SLC11A2: variants seen among roughly 807,000 people sequenced by gnomAD.
The protein encoded by SLC11A2 is natural resistance-associated macrophage protein 2.
A neutral mutation model predicts 68.0 loss-of-function variants in SLC11A2; 38 were observed. That is an observed-to-expected ratio of 0.56 (90% CI 0.43 to 0.73). SLC11A2 has a LOEUF of 0.73. Ranked by LOEUF, SLC11A2 falls within the 30% of genes least tolerant of loss-of-function variation. The pLI, the probability that SLC11A2 is intolerant of heterozygous loss-of-function variation, is 0.00. For missense variants in SLC11A2, 517 were observed against 690.5 expected (o/e 0.75, Z 2.82); for synonymous variants, 242 against 250.6 (o/e 0.97, Z 0.32).
intron 5 of SLC11A2, among the ~76,000 whole-genome samples, chr12:51,000,906 C>G: frequency 6.6e-6 from 1 of 151,972 alleles, no homozygotes; most frequent in Non-Finnish European, 1.5e-5. Context: ...TGGCTCACAC[C>G]TGTAATCCCA....
chr12:51,013,290 T>TA (rs1491270275), intron 1 of SLC11A2, among the ~76,000 whole-genome samples: 2 of 31,836 alleles, frequency 6.3e-5, no homozygotes, highest in Non-Finnish European at 1.9e-4. Flanking sequence ...ATTAAATTGC[T>TA]TTTTTTTTTT....
intron 1 of SLC11A2, among the ~76,000 whole-genome samples, chr12:51,025,053 C>T (rs1944287233): frequency 6.6e-6 from 1 of 152,138 alleles, no homozygotes; most frequent in Non-Finnish European, 1.5e-5. Flanking sequence ...CAATAAATGA[C>T]CTAGTATAAT....
At chr12:51,003,739 A>C (rs1942477185) in intron 5 of SLC11A2, among the ~76,000 whole-genome samples, 1 of 149,082 alleles carries the variant, frequency 6.7e-6, no homozygotes, top group Non-Finnish European at 1.5e-5. Flanking sequence ...ACCAGCCTAG[A>C]CAACATAGCA....
chr12:51,011,089 T>G (rs1332813687), intron 1 of SLC11A2, among the ~76,000 whole-genome samples: 1 of 151,858 alleles, frequency 6.6e-6, no homozygotes, highest in Non-Finnish European at 1.5e-5. Flanking sequence ...GTGGACAAAT[T>G]GAACAGGAGG....
At chr12:50,993,681 A>G (rs543528015) in intron 11 of SLC11A2, among the ~76,000 whole-genome samples, 1 of 152,058 alleles carries the variant, frequency 6.6e-6, no homozygotes, top group Middle Eastern at 3.4e-3. Flanking sequence ...ATACAAAATT[A>G]GCCAGGTGTG....
At position 51,005,349 on chromosome 12, in the gene SLC11A2, C is replaced by G. The variant is rs553779679; in HGVS notation, c.271G>C (p.Glu91Gln). ...ACTGCTCCAGACTGCAAATCGGATT[C>G]AATATTTCCTGGATCCAGGTAGGCA... is the stretch of plus-strand genomic sequence containing the variant. ...SIAYLDPGNI[E>Q]SDLQSGAVAG... Residue 91 changes from glutamate (E) to glutamine (Q), a missense_variant, in exon 4 of 16, where the codon GAA (glutamate) becomes CAA (glutamine). Physicochemically the swap from Glu to Gln is conservative, Grantham distance 29. Transcript: ENST00000262052. 3.9e-5 allele frequency: 63 copies of G among 1,613,808 alleles called. No individual in the cohort carries two copies. The highest frequency in any genetic ancestry group is 6.7e-5 in the African/African-American group (5 of 74,882).
intron 5 of SLC11A2, 134 bp downstream of exon 5, chr12:51,004,654 G>T: frequency 1.1e-6 from 1 of 886,054 alleles, no homozygotes; most frequent in South Asian, 1.4e-5. Context: ...ATTTCCGTTG[G>T]TACCGTCTGT....
Position 50,990,933 on chromosome 12 carries a change from T to C in SLC11A2, c.1437A>G (p.Ala479=), listed in dbSNP as rs774278959. 6 of 1,613,870 alleles carry C rather than the reference T, an allele frequency of 3.7e-6. No individual in the cohort carries two copies. In the East Asian group the frequency reaches 1.3e-4, roughly 36 times the overall value. Residue 479 remains alanine (A), a synonymous_variant, in exon 15 of 16, where the codon GCA becomes GCG. Transcript: ENST00000262052. ...DFANGLGWRI[A]GGILVLIICS... ...AGATGATAAGGACCAAGATTCCTCC[T>C]GCAATCCGCCAGCCTCTGTAAAAGA...
chr12:50,997,727 C>T (rs1941841286), intron 8 of SLC11A2, among the ~76,000 whole-genome samples: 1 of 148,260 alleles, frequency 6.7e-6, no homozygotes. Flanking sequence ...GTGGCTCACG[C>T]CTGTAATCCT....
chr12:50,997,289 T>C (rs1941787817), intron 8 of SLC11A2, among the ~76,000 whole-genome samples: 2 of 152,188 alleles, frequency 1.3e-5, no homozygotes, highest in African/African-American at 4.8e-5. Flanking sequence ...AGAATCATCA[T>C]AGGACCAAGC....
intron 5 of SLC11A2, among the ~76,000 whole-genome samples, chr12:51,001,099 A>G (rs367653377): frequency 5.3e-5 from 8 of 151,126 alleles, no homozygotes; most frequent in South Asian, 2.1e-4. Context: ...CGGGAGGCGA[A>G]GGTTGCAGTG....
Position 50,987,598 on chromosome 12 carries a change from C to A in SLC11A2, c.*727G>T, listed in dbSNP as rs1049972973. Reference sequence around the variant, plus strand: ...TACTAACAGGCAGGTTATTAAGACTCCCAAGAAATCCTCATAAGCTTTTCA... The same window carrying A: ...TACTAACAGGCAGGTTATTAAGACTACCAAGAAATCCTCATAAGCTTTTCA... On this transcript the variant is annotated 3_prime_UTR_variant, in exon 16 of 16. Coordinates refer to ENST00000262052, the MANE Select transcript of SLC11A2 (RefSeq NM_000617.3). The A allele has an allele frequency of 2.0e-5, 26 of 1,287,016 alleles. No individual in the cohort carries two copies. The highest frequency in any genetic ancestry group is 3.2e-4 in the Middle Eastern group (1 of 3,086). 79.7% of individuals were successfully genotyped at this position (1,287,016 alleles called of 1,614,324 possible). A position where few individuals can be genotyped will look rare whatever the true frequency, so the allele number is the denominator to read the frequency against.
chr12:50,981,621 C>T (rs1940030169), downstream of SLC11A2: 1 of 759,660 alleles, frequency 1.3e-6, no homozygotes, highest in Non-Finnish European at 2.2e-6. Flanking sequence ...TTGTTCAAAA[C>T]GTCTGAACAA....
chr12:50,996,847 G>A lies in SLC11A2; in HGVS notation c.801C>T (p.His267=). 2.5e-6 allele frequency: 4 copies of A among 1,614,146 alleles called. No individual in the cohort carries two copies. Among genetic ancestry groups the A allele is most frequent in the Non-Finnish European group, 3.4e-6 (4 of 1,180,014 alleles). ...CTAAGGCAGAATGCAGGTACATGTT[G>A]TGTGGCATGATGACAGCTCCCACGA... ...VGIVGAVIMP[H]NMYLHSALVK... is the part of the protein sequence containing the mutation. Residue 267 remains histidine, a synonymous_variant, in exon 9 of 16, where the codon CAC becomes CAT. Transcript: ENST00000262052.
chr12:51,004,162 G>T (rs1942517727), intron 5 of SLC11A2, among the ~76,000 whole-genome samples: 1 of 151,882 alleles, frequency 6.6e-6, no homozygotes, highest in African/African-American at 2.4e-5. Flanking sequence ...GATACTTTTT[G>T]CTCACACCCA....
chr12:51,023,182 C>T (rs1245356495), intron 1 of SLC11A2, among the ~76,000 whole-genome samples: 3 of 152,230 alleles, frequency 2.0e-5, no homozygotes, highest in Non-Finnish European at 4.4e-5. Flanking sequence ...CGCAGTGGCT[C>T]ATGCCTGTAA....
At chr12:50,976,056 C>T (rs1247022779), downstream of SLC11A2, among the ~76,000 whole-genome samples, 4 of 150,520 alleles carry the variant, frequency 2.7e-5, no homozygotes, top group East Asian at 1.9e-4. Context: ...CGAATTCTAC[C>T]AGAGGTACAA....
intron 15 of SLC11A2, among the ~76,000 whole-genome samples, 173 bp from the exon 16 acceptor site, chr12:50,988,608 A>G (rs1010473544): frequency 2.0e-5 from 3 of 152,212 alleles, no homozygotes; most frequent in African/African-American, 7.2e-5. Context: ...CCTTCAAAAA[A>G]TCAGCTGCCT....
chr12:50,992,154 A>C, intron 13 of SLC11A2, 36 bp downstream of exon 13: 1 of 1,611,398 alleles, frequency 6.2e-7, no homozygotes, highest in African/African-American at 1.3e-5. Flanking sequence ...ATGCTACCTG[A>C]ATAACTAGGA....
Sources: allele counts gnomAD v4.1 joint callset (sites outside exome capture counted in the v4.1 genomes callset), GRCh38; gene constraint gnomAD v4.1.1; transcripts MANE v1.5; gene names NCBI Gene and HGNC (gene_info 2026-07-23, HGNC 2026-07-21).